UNC5B: variants seen among roughly 807,000 people sequenced by gnomAD.
The protein encoded by UNC5B is netrin receptor UNC5B.
Under a neutral mutation model 103.7 loss-of-function variants are expected in UNC5B, and 56 were observed. The observed-to-expected ratio is 0.54, with a 90% CI of 0.44 to 0.67. The LOEUF is 0.67. Ranked by LOEUF, UNC5B falls within the 30% of genes least tolerant of loss-of-function variation. UNC5B has a pLI of 0.00. For synonymous variants in UNC5B, 577 were observed against 542.0 expected (o/e 1.06, Z -0.90); for missense variants, 1,194 against 1,284.5 (o/e 0.93, Z 1.08).
In UNC5B at chr10:71,297,952, G is replaced by A; in HGVS notation, c.2534G>A (p.Ser845Asn). 6.2e-7 allele frequency: 1 copy of A among 1,613,852 alleles called. No individual in the cohort carries two copies. The highest frequency in any genetic ancestry group is 8.5e-7 in the Non-Finnish European group (1 of 1,179,920). ...SLDTLCSAPG[S>N]TVTTQLGPYA... ...GACACTCTCTGCTCTGCCCCTGGCAGCACTGTCACCACCCAGCTGGGACCT... is the reference window on the plus strand; with the variant it reads ...GACACTCTCTGCTCTGCCCCTGGCAACACTGTCACCACCCAGCTGGGACCT... The change falls in exon 16 of 17, where the codon AGC (serine) becomes AAC (asparagine). Residue 845 changes from serine to asparagine, a missense_variant. By Grantham distance (46) the Ser-to-Asn change is conservative. Coordinates refer to ENST00000335350, the MANE Select transcript of UNC5B (RefSeq NM_170744.5).
At position 71,280,040 on chromosome 10, in the gene UNC5B, C is replaced by A. The variant is rs1173106723; in HGVS notation, c.299C>A (p.Ala100Asp). 1 of 1,613,684 alleles carries A rather than the reference C, an allele frequency of 6.2e-7. No individual in the cohort carries two copies. Among genetic ancestry groups the A allele is most frequent in the Admixed American group, 1.7e-5 (1 of 60,034 alleles). Residue 100 changes from alanine (A) to aspartate (D), a missense_variant, in exon 2 of 17, where the codon GCC becomes GAC. Transcript: ENST00000335350. ...DHVTQEGLDEATGLRVREVQI... is the reference protein window; with the variant it reads ...DHVTQEGLDEDTGLRVREVQI... ...GTCACACAGGAAGGCCTGGATGAGG[C>A]CACCGGTGAGCCCGCCCCACTTGCC...
At chr10:71,292,353 A>G in intron 10 of UNC5B, 114 bp from the exon 11 acceptor site, 3 of 866,320 alleles carry the variant, frequency 3.5e-6, no homozygotes, top group South Asian at 3.3e-5. Flanking sequence ...CTGGCTGGGG[A>G]CTACCTGGAG....
chr10:71,232,255 T>C (rs1843698326), intron 1 of UNC5B, among the ~76,000 whole-genome samples: 1 of 152,252 alleles, frequency 6.6e-6, no homozygotes. Flanking sequence ...TGTCAAAACC[T>C]ATCTCATCTC....
intron 7 of UNC5B, 53 bp from the exon 8 acceptor site, chr10:71,288,905 C>T: frequency 1.9e-6 from 3 of 1,602,232 alleles, no homozygotes; most frequent in Non-Finnish European, 2.6e-6. Context: ...CCTTCTCTGC[C>T]ACCCTTTCCC....
chr10:71,276,979 G>A (rs899229909), intron 1 of UNC5B, among the ~76,000 whole-genome samples: 1 of 152,260 alleles, frequency 6.6e-6, no homozygotes, highest in African/African-American at 2.4e-5. Context: ...CCCTGCCAAG[G>A]CCAGAGCTGA....
intron 1 of UNC5B, among the ~76,000 whole-genome samples, chr10:71,238,967 G>A (rs1394281788): frequency 6.6e-6 from 1 of 152,116 alleles, no homozygotes; most frequent in Non-Finnish European, 1.5e-5. Context: ...TTTAGACGAG[G>A]GAGTTAAGGC....
At chr10:71,261,560 C>T (rs1458118963) in intron 1 of UNC5B, among the ~76,000 whole-genome samples, 1 of 152,216 alleles carries the variant, frequency 6.6e-6, no homozygotes, top group African/African-American at 2.4e-5. Flanking sequence ...CTTCATCTTT[C>T]AAAGGGAGAG....
At chr10:71,235,131 C>T (rs1452470276) in intron 1 of UNC5B, among the ~76,000 whole-genome samples, 2 of 152,132 alleles carry the variant, frequency 1.3e-5, no homozygotes, top group Admixed American at 6.5e-5. Flanking sequence ...ACAGACATCC[C>T]GCCCCAGAAG....
intron 2 of UNC5B, among the ~76,000 whole-genome samples, chr10:71,280,572 C>G (rs1258216331): frequency 6.6e-6 from 1 of 152,172 alleles, no homozygotes; most frequent in Non-Finnish European, 1.5e-5. Context: ...GGGATGTAGA[C>G]CAAATCTGGA....
intron 1 of UNC5B, among the ~76,000 whole-genome samples, chr10:71,218,598 C>T (rs1293536506): frequency 6.6e-6 from 1 of 152,200 alleles, no homozygotes; most frequent in African/African-American, 2.4e-5. Flanking sequence ...TCCTGGTGCT[C>T]CAGGGGGAGG....
chr10:71,271,995 C>A (rs1161300038), intron 1 of UNC5B, among the ~76,000 whole-genome samples: 1 of 152,164 alleles, frequency 6.6e-6, no homozygotes, highest in East Asian at 1.9e-4. Flanking sequence ...GCCTGAACCC[C>A]ACAGCCGCAA....
intron 1 of UNC5B, among the ~76,000 whole-genome samples, chr10:71,216,336 T>A (rs547653500): frequency 6.6e-6 from 1 of 152,146 alleles, no homozygotes; most frequent in African/African-American, 2.4e-5. Flanking sequence ...CTGGAACTCA[T>A]GGCAGGATGG....
At chr10:71,266,553 T>G (rs1421878319) in intron 1 of UNC5B, among the ~76,000 whole-genome samples, 5 of 152,134 alleles carry the variant, frequency 3.3e-5, no homozygotes, top group Admixed American at 6.5e-5. Flanking sequence ...CGGCACTCCA[T>G]CCGCCCCACA....
chr10:71,262,029 TA>T (rs1844425933), intron 1 of UNC5B, among the ~76,000 whole-genome samples: 1 of 151,844 alleles, frequency 6.6e-6, no homozygotes, highest in Admixed American at 6.6e-5. Context: ...GGTGGGAAGA[TA>T]GTTTCAAAGC....
intron 5 of UNC5B, 151 bp from the exon 6 acceptor site, chr10:71,287,447 C>T: frequency 3.2e-6 from 3 of 927,318 alleles, no homozygotes; most frequent in East Asian, 2.6e-5. Flanking sequence ...GCTCTATCTG[C>T]CAGTTCTGAG....
At chr10:71,223,992 A>G (rs1843505358) in intron 1 of UNC5B, among the ~76,000 whole-genome samples, 2 of 152,192 alleles carry the variant, frequency 1.3e-5, no homozygotes, top group African/African-American at 4.8e-5. Context: ...GGGTGGCATC[A>G]TGTCCAGTAC....
In UNC5B at chr10:71,288,590, G is replaced by A; in HGVS notation, c.924G>A (p.Trp308Ter). Residue 308 changes from tryptophan to a stop codon, truncating the protein, a stop_gained, in exon 7 of 17, where the codon TGG becomes TGA. Coordinates refer to ENST00000335350, the MANE Select transcript of UNC5B (RefSeq NM_170744.5). LOFTEE classifies it high-confidence loss of function. Reference protein sequence around the residue: ...ICPVDGAWTEWSKWSACSTEC... With the variant: ...ICPVDGAWTE ...CAGTCGATGGGGCGTGGACGGAGTG[G>A]AGCAAGTGGTCAGCCTGCAGCACTG... is the stretch of plus-strand genomic sequence containing the variant. The A allele has an allele frequency of 6.2e-7, 1 of 1,614,012 alleles. No homozygotes were observed. The highest frequency in any genetic ancestry group is 8.5e-7 in the Non-Finnish European group (1 of 1,179,988).
intron 4 of UNC5B, among the ~76,000 whole-genome samples, chr10:71,285,950 T>C (rs1365363532): frequency 6.6e-6 from 1 of 152,186 alleles, no homozygotes; most frequent in Non-Finnish European, 1.5e-5. Flanking sequence ...AGTGGACGGC[T>C]GGGGCAGTCA....
At chr10:71,270,053 A>G (rs1844606864) in intron 1 of UNC5B, among the ~76,000 whole-genome samples, 3 of 152,108 alleles carry the variant, frequency 2.0e-5, no homozygotes, top group Admixed American at 2.0e-4. Context: ...GAGCACAGTG[A>G]AAGATAGGTG....
Sources: allele counts gnomAD v4.1 joint callset (sites outside exome capture counted in the v4.1 genomes callset), GRCh38; gene constraint gnomAD v4.1.1; transcripts MANE v1.5; gene names NCBI Gene and HGNC (gene_info 2026-07-23, HGNC 2026-07-21).